The following NWD2 variants were observed in gnomAD, a reference collection of about 807,000 sequenced individuals.
NWD2 encodes NACHT and WD repeat domain containing 2, also known as NACHT and WD repeat domain-containing protein 2.
In NWD2, 37 loss-of-function variants were observed where a neutral mutation model predicts 132.7. That is an observed-to-expected ratio of 0.28 (90% CI 0.21 to 0.37). NWD2 has a LOEUF of 0.37. Ranked by LOEUF, NWD2 falls within the 10% of genes least tolerant of loss-of-function variation. The pLI, the probability that NWD2 is intolerant of heterozygous loss-of-function variation, is 1.00. For missense variants in NWD2, 1,592 were observed against 2,122.4 expected (o/e 0.75, Z 4.91); for synonymous variants, 705 against 803.0 (o/e 0.88, Z 2.06).
intron 3 of NWD2, among the ~76,000 whole-genome samples, chr4:37,399,319 A>G (rs1403650522): frequency 2.6e-5 from 4 of 152,224 alleles, no homozygotes; most frequent in East Asian, 1.9e-4. Context: ...TCTGGCTCCA[A>G]GAATATAGTA....
chr4:37,254,149 A>G (rs1717460572), intron 1 of NWD2, among the ~76,000 whole-genome samples: 1 of 152,220 alleles, frequency 6.6e-6, no homozygotes, highest in Non-Finnish European at 1.5e-5. Flanking sequence ...CCAACCGCCC[A>G]TGACACATGT....
intron 1 of NWD2, among the ~76,000 whole-genome samples, chr4:37,252,502 C>A (rs1165749042): frequency 6.6e-6 from 1 of 152,190 alleles, no homozygotes; most frequent in Non-Finnish European, 1.5e-5. Context: ...TCATCCCAAA[C>A]CTGAGTGGCT....
intron 1 of NWD2, among the ~76,000 whole-genome samples, chr4:37,288,708 A>G (rs1379867918): frequency 1.3e-5 from 2 of 152,234 alleles, no homozygotes; most frequent in East Asian, 3.8e-4. Context: ...GCACAGTGGC[A>G]GAGTTTGTAG....
At chr4:37,342,373 C>T (rs762944951) in intron 2 of NWD2, among the ~76,000 whole-genome samples, 13 of 152,054 alleles carry the variant, frequency 8.5e-5, no homozygotes, top group Admixed American at 5.9e-4. Context: ...CAGATGCTGG[C>T]GCTATGCTCA....
At chr4:37,403,720 A>G (rs559503910) in intron 3 of NWD2, among the ~76,000 whole-genome samples, 1 of 152,242 alleles carries the variant, frequency 6.6e-6, no homozygotes, top group Non-Finnish European at 1.5e-5. Flanking sequence ...CATACACTGC[A>G]AACATGGGGT....
chr4:37,268,063 T>C (rs1441031914), intron 1 of NWD2, among the ~76,000 whole-genome samples: 2 of 151,890 alleles, frequency 1.3e-5, no homozygotes, highest in African/African-American at 2.4e-5. Flanking sequence ...GGAAGACAAT[T>C]TTCATGCTTT....
At chr4:37,387,937 A>C (rs1720598225) in intron 3 of NWD2, among the ~76,000 whole-genome samples, 1 of 140,210 alleles carries the variant, frequency 7.1e-6, no homozygotes, top group Non-Finnish European at 1.5e-5. Flanking sequence ...GCCTTGAAAT[A>C]TTTATTCTTA....
chr4:37,398,921 G>T (rs371694780), intron 3 of NWD2, among the ~76,000 whole-genome samples: 1 of 152,102 alleles, frequency 6.6e-6, no homozygotes, highest in Non-Finnish European at 1.5e-5. Flanking sequence ...AAGGGAAAAC[G>T]CCAGATGTGA....
At chr4:37,270,007 G>T (rs1717834744) in intron 1 of NWD2, among the ~76,000 whole-genome samples, 1 of 151,684 alleles carries the variant, frequency 6.6e-6, no homozygotes, top group Non-Finnish European at 1.5e-5. Context: ...GGTGTTGTTG[G>T]TCTTCTAGTG....
chr4:37,366,813 C>T (rs1720108274), intron 3 of NWD2, among the ~76,000 whole-genome samples: 1 of 152,028 alleles, frequency 6.6e-6, no homozygotes, highest in Non-Finnish European at 1.5e-5. Flanking sequence ...TATTTCTATG[C>T]ACCTAATAAC....
At chr4:37,408,250 C>A (rs1017132962) in intron 3 of NWD2, among the ~76,000 whole-genome samples, 1 of 152,088 alleles carries the variant, frequency 6.6e-6, no homozygotes, top group African/African-American at 2.4e-5. Context: ...GTCCCACCCC[C>A]ACGGAGCCCA....
At chr4:37,354,158 G>C (rs960915741) in intron 2 of NWD2, among the ~76,000 whole-genome samples, 4 of 152,136 alleles carry the variant, frequency 2.6e-5, no homozygotes, top group African/African-American at 9.7e-5. Flanking sequence ...GTTTGCCTGG[G>C]TGTCACCAGC....
chr4:37,330,829 TG>T (rs1719283190), intron 2 of NWD2, among the ~76,000 whole-genome samples: 1 of 149,356 alleles, frequency 6.7e-6, no homozygotes. Flanking sequence ...TGAGTATTTC[TG>T]TACAATACCA....
At chr4:37,268,969 A>G (rs1391488098) in intron 1 of NWD2, among the ~76,000 whole-genome samples, 1 of 151,942 alleles carries the variant, frequency 6.6e-6, no homozygotes, top group Non-Finnish European at 1.5e-5. Flanking sequence ...TATTTCCAGT[A>G]ATTGATCAAA....
At position 37,446,612 on chromosome 4, in the gene NWD2, G is replaced by A; in HGVS notation, c.4624G>A (p.Ala1542Thr). ...TCCCAATGGAAAGCTAGGCATTATA[G>A]CCAGGGGAGATGAAAACATCAATGT... ...ISPNGKLGII[A>T]RGDENINVLD... The change falls in exon 7 of 7, where the codon GCC becomes ACC. Residue 1542 changes from alanine to threonine, a missense_variant. Around this residue, in one of 7 missense-constraint regions of NWD2, gnomAD observed 257 missense variants for 335.0 expected, o/e 0.77. Transcript: ENST00000309447. This position sits in a 1 kb window ranked among gnomAD's most constrained non-coding sequence, Gnocchi z 6.7. 2 of 1,551,504 alleles carry A rather than the reference G, an allele frequency of 1.3e-6. No homozygotes were observed. Among genetic ancestry groups the A allele is most frequent in the East Asian group, 2.4e-5 (1 of 40,920 alleles).
At position 37,447,162 on chromosome 4, in the gene NWD2, A is replaced by G; in HGVS notation, c.5174A>G (p.Glu1725Gly). ...TCCAAGAAACACAACTCTTGTTATGAGCGGGTATGCTCGGCCCTAGAAGCC... is the reference window on the plus strand; with the variant it reads ...TCCAAGAAACACAACTCTTGTTATGGGCGGGTATGCTCGGCCCTAGAAGCC... Reference protein sequence around the residue: ...TPSKKHNSCYERVCSALEARG... With the variant: ...TPSKKHNSCYGRVCSALEARG... The change falls in exon 7 of 7, where the codon GAG (glutamate) becomes GGG (glycine). Residue 1725 changes from glutamate to glycine, a missense_variant. Physicochemically the swap from Glu to Gly is moderately conservative, Grantham distance 98. This residue lies in a region of NWD2 where 257 missense variants were observed against 335.0 expected (regional missense o/e 0.77). Coordinates refer to ENST00000309447, the MANE Select transcript of NWD2 (RefSeq NM_001144990.2). 1 of 1,551,374 alleles carries G rather than the reference A, an allele frequency of 6.4e-7. No homozygotes were observed. The highest frequency in any genetic ancestry group is 8.7e-7 in the Non-Finnish European group (1 of 1,147,010).
intron 1 of NWD2, among the ~76,000 whole-genome samples, chr4:37,316,368 C>G (rs1162749582): frequency 1.3e-5 from 2 of 151,850 alleles, no homozygotes; most frequent in Non-Finnish European, 2.9e-5. Context: ...TAATGCTGTT[C>G]CCTTATATGT....
In NWD2 at chr4:37,384,116, C is replaced by T. The variant is rs145857745; in HGVS notation, c.357+27634C>T. Among the ~76,000 whole-genome samples, 83 of 152,308 alleles carry T rather than the reference C, an allele frequency of 5.4e-4. 1 individual carries two copies. In the East Asian group the frequency reaches 0.014, roughly 26 times the overall value. The stretch of plus-strand genomic sequence containing the variant: ...TTTATCCTGATGCTCTCCCTCCCCA[C>T]GTCTGATTCCCTTTTTAGGAGCAGA... On this transcript the variant is annotated intron_variant, in intron 3 of 6. Coordinates refer to ENST00000309447, the MANE Select transcript of NWD2 (RefSeq NM_001144990.2).
At chr4:37,425,986 C>T (rs1711998693) in intron 3 of NWD2, among the ~76,000 whole-genome samples, 1 of 152,212 alleles carries the variant, frequency 6.6e-6, no homozygotes, top group South Asian at 2.1e-4. Context: ...ACTTGGTCTT[C>T]CATCTCCACC....
Sources: allele counts gnomAD v4.1 joint callset (sites outside exome capture counted in the v4.1 genomes callset), GRCh38; gene constraint gnomAD v4.1.1; regional missense constraint gnomAD v4.1.1; non-coding constraint Gnocchi (gnomAD v3.1); transcripts MANE v1.5; gene names NCBI Gene and HGNC (gene_info 2026-07-23, HGNC 2026-07-21).